Variants in MGAT4C observed in about 807,000 individuals in gnomAD.
MGAT4C encodes alpha-1,3-mannosyl-glycoprotein 4-beta-N-acetylglucosaminyltransferase C.
Under a neutral mutation model 40.1 loss-of-function variants are expected in MGAT4C, and 19 were observed. That is an observed-to-expected ratio of 0.47 (90% CI 0.33 to 0.70). MGAT4C has a LOEUF of 0.70. Among genes scored for constraint, MGAT4C ranks in the 30% least tolerant of loss-of-function variants. The probability of loss-of-function intolerance (pLI) is 0.02; values close to 1 mark genes in which losing one functional copy is unlikely to be tolerated. For synonymous variants in MGAT4C, 181 were observed against 187.1 expected, an observed-to-expected ratio of 0.97 and a Z score of 0.27; for missense variants, 491 against 563.2, an observed-to-expected ratio of 0.87 and a Z score of 1.30.
intron 1 of MGAT4C, among the ~76,000 whole-genome samples, chr12:86,092,197 G>A (rs1873006956): frequency 6.6e-6 from 1 of 152,052 alleles, no homozygotes; most frequent in African/African-American, 2.4e-5. Flanking sequence ...GTGATGGTTA[G>A]CTACAAGCAA....
At chr12:86,269,275 T>C (rs1319598892) in intron 4 of MGAT4C, among the ~76,000 whole-genome samples, 1 of 151,206 alleles carries the variant, frequency 6.6e-6, no homozygotes, top group Non-Finnish European at 1.5e-5. Context: ...AGATAGGTCT[T>C]ACCTCATCTA....
At chr12:86,548,677 TC>T (rs1959221481) in intron 2 of MGAT4C, among the ~76,000 whole-genome samples, 1 of 152,118 alleles carries the variant, frequency 6.6e-6, no homozygotes. Flanking sequence ...TTGTTTCAAA[TC>T]CCAGCTCTTT....
intron 2 of MGAT4C, among the ~76,000 whole-genome samples, chr12:86,594,162 A>G (rs185426242): frequency 1.4e-3 from 217 of 152,248 alleles, no homozygotes; most frequent in Non-Finnish European, 2.6e-3. Flanking sequence ...TTCACCAGGA[A>G]CTCAGCTTCA....
intron 4 of MGAT4C, among the ~76,000 whole-genome samples, chr12:86,310,967 A>C (rs991597575): frequency 6.6e-6 from 1 of 152,184 alleles, no homozygotes; most frequent in Non-Finnish European, 1.5e-5. Context: ...AGCGGAAGGG[A>C]ATAAAATGAT....
chr12:86,265,795 T>C (rs572253114), intron 4 of MGAT4C, among the ~76,000 whole-genome samples: 2 of 152,340 alleles, frequency 1.3e-5, no homozygotes, highest in South Asian at 4.1e-4. Context: ...GCTTGGGATA[T>C]TTTTTATTTG....
chr12:86,163,374 G>C (rs1291295390), intron 1 of MGAT4C, among the ~76,000 whole-genome samples: 1 of 151,906 alleles, frequency 6.6e-6, no homozygotes, highest in Non-Finnish European at 1.5e-5. Flanking sequence ...AAAACTTTTT[G>C]TAGAGACAGG....
chr12:86,799,506 A>G (rs1241207658), intron 1 of MGAT4C, among the ~76,000 whole-genome samples: 4 of 151,840 alleles, frequency 2.6e-5, no homozygotes, highest in African/African-American at 9.7e-5. Flanking sequence ...TTAAGCTATC[A>G]TTATGTCAAT....
intron 2 of MGAT4C, among the ~76,000 whole-genome samples, chr12:86,509,471 G>A (rs1958533804): frequency 6.6e-6 from 1 of 152,148 alleles, no homozygotes. Flanking sequence ...TAACCTTGTA[G>A]TATAGTTTGA....
intron 3 of MGAT4C, among the ~76,000 whole-genome samples, chr12:86,353,505 T>G (rs538955342): frequency 2.6e-5 from 4 of 152,244 alleles, no homozygotes; most frequent in African/African-American, 9.6e-5. Flanking sequence ...GAAACTTATC[T>G]CATTGTGGTG....
chr12:86,752,093 A>C (rs1469636208), intron 1 of MGAT4C, among the ~76,000 whole-genome samples: 1 of 152,064 alleles, frequency 6.6e-6, no homozygotes, highest in Non-Finnish European at 1.5e-5. Flanking sequence ...TGAGATAATT[A>C]AATTGTAATG....
intron 2 of MGAT4C, among the ~76,000 whole-genome samples, chr12:86,587,170 T>C (rs1187833821): frequency 6.6e-6 from 1 of 151,984 alleles, no homozygotes; most frequent in Non-Finnish European, 1.5e-5. Flanking sequence ...TTTCTACATA[T>C]GGCTAGCCAG....
At chr12:85,998,740 A>G (rs1444705265) in intron 2 of MGAT4C, among the ~76,000 whole-genome samples, 1 of 152,158 alleles carries the variant, frequency 6.6e-6, no homozygotes, top group Non-Finnish European at 1.5e-5. Flanking sequence ...CATCATCCAC[A>G]TCCCTATCAG....
intron 2 of MGAT4C, among the ~76,000 whole-genome samples, chr12:86,003,813 A>G (rs1404950338): frequency 2.6e-5 from 4 of 151,374 alleles, no homozygotes; most frequent in Non-Finnish European, 4.4e-5. Flanking sequence ...GCAAAACTAG[A>G]TTTTTTTTTC....
At chr12:86,334,754 G>A (rs1425245149) in intron 3 of MGAT4C, among the ~76,000 whole-genome samples, 1 of 151,982 alleles carries the variant, frequency 6.6e-6, no homozygotes, top group Admixed American at 6.6e-5. Context: ...ACTTCAGTTA[G>A]TAGGCAATAA....
intron 1 of MGAT4C, among the ~76,000 whole-genome samples, chr12:86,747,386 A>G (rs1352729116): frequency 2.0e-5 from 3 of 151,612 alleles, no homozygotes; most frequent in Non-Finnish European, 4.4e-5. Flanking sequence ...CAATTACTCA[A>G]TTCAACTATT....
intron 1 of MGAT4C, among the ~76,000 whole-genome samples, chr12:86,114,346 T>C (rs1297345708): frequency 1.3e-5 from 2 of 151,802 alleles, no homozygotes; most frequent in African/African-American, 4.8e-5. Flanking sequence ...GTGATCTGAG[T>C]AGAGGGACTA....
intron 2 of MGAT4C, among the ~76,000 whole-genome samples, chr12:86,507,425 G>C (rs1958489989): frequency 6.6e-6 from 1 of 152,126 alleles, no homozygotes; most frequent in Non-Finnish European, 1.5e-5. Flanking sequence ...TTGAATATCT[G>C]ACTTGCTTTG....
intron 2 of MGAT4C, among the ~76,000 whole-genome samples, chr12:85,992,460 C>T (rs1886065980): frequency 6.6e-6 from 1 of 152,210 alleles, no homozygotes; most frequent in African/African-American, 2.4e-5. Flanking sequence ...GCACTTGGAC[C>T]TCCAGTCTTT....
At chr12:85,986,815 T>C (rs1038934179) in intron 3 of MGAT4C, among the ~76,000 whole-genome samples, 5 of 152,114 alleles carry the variant, frequency 3.3e-5, no homozygotes, top group Non-Finnish European at 7.4e-5. Context: ...AAAAGGGAGA[T>C]GTGTTAAAAA....
Sources: allele counts gnomAD v4.1 joint callset (sites outside exome capture counted in the v4.1 genomes callset), GRCh38; gene constraint gnomAD v4.1.1; transcripts MANE v1.5; gene names NCBI Gene and HGNC (gene_info 2026-07-23, HGNC 2026-07-21).